ATF1: variants seen among roughly 807,000 people sequenced by gnomAD.
ATF1 encodes cyclic AMP-dependent transcription factor ATF-1.
ATF1 carries 16 observed loss-of-function variants against 34.7 expected under a neutral mutation model. The ratio of observed to expected loss-of-function variants is 0.46; its 90% confidence interval spans 0.31 to 0.70. The LOEUF is 0.70. ATF1 is among the 30% of genes least tolerant of loss of function. The pLI is 0.05. For synonymous variants in ATF1, 105 were observed against 113.1 expected, an observed-to-expected ratio of 0.93 and a Z score of 0.46; for missense variants, 255 against 321.6, an observed-to-expected ratio of 0.79 and a Z score of 1.58.
chr12:50,766,937 C>T (rs1467538541), intron 1 of ATF1, among the ~76,000 whole-genome samples: 2 of 152,208 alleles, frequency 1.3e-5, no homozygotes, highest in Non-Finnish European at 2.9e-5. Context: ...ACAGGCCCAT[C>T]TGGGGGCAAA....
At chr12:50,776,101 A>G (rs951869107) in intron 1 of ATF1, among the ~76,000 whole-genome samples, 2 of 152,086 alleles carry the variant, frequency 1.3e-5, no homozygotes, top group East Asian at 3.9e-4. Context: ...TCATGAGGTC[A>G]GGAGATCAAG....
chr12:50,820,343 AT>A lies in ATF1; in HGVS notation c.*569del. 5.3e-6 allele frequency: 1 copy of A among 189,832 alleles called. No homozygotes were observed. The highest frequency in any genetic ancestry group is 1.1e-5 in the Non-Finnish European group (1 of 90,242). The allele number at this position is 189,832 out of a possible 1,614,324, so 11.8% of individuals were successfully genotyped here. On this transcript the variant is annotated 3_prime_UTR_variant, in exon 7 of 7. Transcript: ENST00000262053. ...AAAGTTTGTTATTGGACTTGAATGG[AT>A]TTTTGAGACTAGGTTAATTATTTTT...
chr12:50,797,777 AT>A (rs1334028852), intron 3 of ATF1, among the ~76,000 whole-genome samples: 1 of 152,122 alleles, frequency 6.6e-6, no homozygotes, highest in Non-Finnish European at 1.5e-5. Context: ...AGGCTCCAAT[AT>A]TTAAATTCAA....
At position 50,806,475 on chromosome 12, in the gene ATF1, C is replaced by T. The variant is rs1230974610; in HGVS notation, c.195-2981C>T. 4.8e-5 allele frequency: 14 copies of T among 290,656 alleles called. 2 individuals carry two copies. The highest frequency in any genetic ancestry group is 3.8e-4 in the South Asian group (12 of 31,744). 18.0% of individuals were successfully genotyped at this position (290,656 alleles called of 1,614,324 possible). A position where few individuals can be genotyped will look rare whatever the true frequency, so the allele number is the denominator to read the frequency against. ...CCACACAGGGCGGGCTTTGCTCCAG[C>T]AGATCCATGGGGCTCAGGGCCTCTG... is the stretch of plus-strand genomic sequence containing the variant. On this transcript the variant is annotated intron_variant, in intron 3 of 6. Coordinates refer to ENST00000262053, the MANE Select transcript of ATF1 (RefSeq NM_005171.5).
intron 2 of ATF1, among the ~76,000 whole-genome samples, chr12:50,795,342 A>C: frequency 6.6e-6 from 1 of 152,080 alleles, no homozygotes; most frequent in East Asian, 1.9e-4. Flanking sequence ...CCAGTCTCTT[A>C]GTGTTCCTGA....
chr12:50,804,232 A>C (rs1941570195), intron 3 of ATF1, among the ~76,000 whole-genome samples: 1 of 152,184 alleles, frequency 6.6e-6, no homozygotes, highest in Non-Finnish European at 1.5e-5. Flanking sequence ...AACACTAATG[A>C]AAAAAACTAA....
At chr12:50,767,604 A>G (rs74701444) in intron 1 of ATF1, among the ~76,000 whole-genome samples, 2,283 of 152,336 alleles carry the variant, frequency 0.015, 36 homozygotes, top group Middle Eastern at 0.031. Flanking sequence ...ACTTGGCTGC[A>G]GGTCCCTGTA....
chr12:50,810,821 G>A lies in ATF1; in HGVS notation c.328+1232G>A, dbSNP rs117584294. On this transcript the variant is annotated intron_variant, in intron 4 of 6. Coordinates refer to ENST00000262053, the MANE Select transcript of ATF1 (RefSeq NM_005171.5). ...GGCTCTCATCTTAATTACTGAAGTA[G>A]GCATCCAGTTGGTCATCTTGCTTCC... Among the ~76,000 whole-genome samples the A allele has an allele frequency of 8.0e-3, 1,212 of 152,148 alleles. 11 individuals carry two copies. Among genetic ancestry groups the A allele is most frequent in the Middle Eastern group, 0.014 (4 of 294 alleles).
intron 3 of ATF1, among the ~76,000 whole-genome samples, chr12:50,805,849 A>T (rs1941605429): frequency 6.6e-6 from 1 of 152,022 alleles, no homozygotes; most frequent in Non-Finnish European, 1.5e-5. Context: ...TTTGCATTAC[A>T]GTGTTGAGAA....
At chr12:50,771,136 G>C (rs1174837911) in intron 1 of ATF1, among the ~76,000 whole-genome samples, 1 of 152,020 alleles carries the variant, frequency 6.6e-6, no homozygotes, top group Non-Finnish European at 1.5e-5. Context: ...CTCCCAAGTA[G>C]CTAGAATTAC....
intron 3 of ATF1, among the ~76,000 whole-genome samples, chr12:50,803,489 G>T (rs892778071): frequency 7.3e-6 from 1 of 136,162 alleles, no homozygotes; most frequent in Non-Finnish European, 1.6e-5. Flanking sequence ...TACACTGCTG[G>T]TAAGAATGTA....
At chr12:50,812,160 AC>A (rs145790236) in intron 4 of ATF1, among the ~76,000 whole-genome samples, 36,055 of 152,194 alleles carry the variant, frequency 0.24, 5,227 homozygotes, top group Non-Finnish European at 0.34. Flanking sequence ...AGGTAAATAC[AC>A]ATGTTAAGAA....
At chr12:50,779,846 T>C (rs76250565) in intron 1 of ATF1, among the ~76,000 whole-genome samples, 3 of 152,190 alleles carry the variant, frequency 2.0e-5, no homozygotes, top group Non-Finnish European at 4.4e-5. Context: ...GAGACAGATA[T>C]GTTTGTGTCC....
At chr12:50,803,438 T>TA (rs1285036959) in intron 3 of ATF1, among the ~76,000 whole-genome samples, 1 of 150,584 alleles carries the variant, frequency 6.6e-6, no homozygotes, top group African/African-American at 2.4e-5. Context: ...AAAAGACCAA[T>TA]AATAAGTGTT....
Position 50,780,122 on chromosome 12 carries a change from CT to C in ATF1, c.-6-12del, listed in dbSNP as rs1341680838. 1.9e-6 allele frequency: 3 copies of C among 1,561,330 alleles called. No individual in the cohort carries two copies. Among genetic ancestry groups the C allele is most frequent in the South Asian group, 1.1e-5 (1 of 88,978 alleles). ...CTGTATCATATTTAATTTTAACGGA[CT>C]TTTTTCCCCCTTATAGTTGATTATG... On this transcript the variant is annotated splice_polypyrimidine_tract_variant and intron_variant, in intron 1 of 6. Transcript: ENST00000262053.
chr12:50,786,940 C>A (rs1941197152), intron 2 of ATF1, among the ~76,000 whole-genome samples: 1 of 152,138 alleles, frequency 6.6e-6, no homozygotes, highest in South Asian at 2.1e-4. Flanking sequence ...GTGGCAAGAA[C>A]AATGAGAAAA....
chr12:50,779,654 A>G (rs1415899254), intron 1 of ATF1, among the ~76,000 whole-genome samples: 1 of 149,164 alleles, frequency 6.7e-6, no homozygotes, highest in Non-Finnish European at 1.5e-5. Flanking sequence ...GCCGTATTTG[A>G]TCTCTCATAG....
intron 1 of ATF1, among the ~76,000 whole-genome samples, chr12:50,771,025 A>G (rs1232695409): frequency 6.6e-6 from 1 of 151,192 alleles, no homozygotes; most frequent in Non-Finnish European, 1.5e-5. Context: ...TTTCTTTTTG[A>G]GACAGAGTCT....
intron 3 of ATF1, among the ~76,000 whole-genome samples, chr12:50,796,415 CT>C (rs1941409812): frequency 6.6e-6 from 1 of 152,014 alleles, no homozygotes; most frequent in Non-Finnish European, 1.5e-5. Context: ...GAAATTGGAC[CT>C]TTGGCCGGAT....
Sources: gnomAD v4.1 joint callset for allele counts (sites outside exome capture counted in the v4.1 genomes callset) on GRCh38, gnomAD v4.1.1 for gene constraint, MANE v1.5 for transcripts, NCBI Gene and HGNC (gene_info 2026-07-23, HGNC 2026-07-21) for gene names.